The following SLC25A21 variants were observed in gnomAD, a reference collection of about 807,000 sequenced individuals.
SLC25A21 encodes solute carrier family 25 member 21.
In SLC25A21, 47 loss-of-function variants were observed where a neutral mutation model predicts 43.8. That is an observed-to-expected ratio of 1.07 (90% confidence interval 0.85 to 1.37). The LOEUF (loss-of-function observed/expected upper bound fraction) is 1.37. Among genes scored for constraint, SLC25A21 ranks in the 40% most tolerant of loss-of-function variants. The probability of loss-of-function intolerance (pLI) is 0.00; values close to 1 mark genes in which losing one functional copy is unlikely to be tolerated. For missense variants in SLC25A21, 352 were observed against 350.2 expected (o/e 1.00, Z -0.04); for synonymous variants, 131 against 121.3 (o/e 1.08, Z -0.52).
intron 1 of SLC25A21, among the ~76,000 whole-genome samples, chr14:37,033,260 C>A (rs1459158871): frequency 6.6e-6 from 1 of 152,174 alleles, no homozygotes; most frequent in Admixed American, 6.5e-5. Flanking sequence ...ATAATGTCCT[C>A]AAGGTTAATC....
chr14:37,154,900 C>T (rs1291669049), intron 1 of SLC25A21, among the ~76,000 whole-genome samples: 2 of 152,104 alleles, frequency 1.3e-5, no homozygotes, highest in African/African-American at 4.8e-5. Context: ...CCTCAGCCTC[C>T]CAAAGTGCTG....
chr14:37,040,543 A>C (rs1343821911), intron 1 of SLC25A21, among the ~76,000 whole-genome samples: 1 of 151,976 alleles, frequency 6.6e-6, no homozygotes, highest in Non-Finnish European at 1.5e-5. Context: ...AGGACCTTTC[A>C]TGCTGGGTAA....
intron 5 of SLC25A21, among the ~76,000 whole-genome samples, chr14:36,728,730 T>C (rs573069502): frequency 2.0e-5 from 3 of 152,360 alleles, no homozygotes; most frequent in South Asian, 2.1e-4. Context: ...GTCCATTTCA[T>C]TGGACAAATG....
Position 36,684,734 on chromosome 14 carries a change from G to C in SLC25A21, c.785+10C>G. 6.3e-7 allele frequency: 1 copy of C among 1,594,816 alleles called. No homozygotes were observed. Among genetic ancestry groups the C allele is most frequent in the Non-Finnish European group, 8.5e-7 (1 of 1,170,392 alleles). On this transcript the variant is annotated intron_variant, in intron 8 of 9. Transcript: ENST00000331299. Reference sequence around the variant, plus strand: ...CATACATTTATTAAAATAAGAATGTGTTATGTTACCCTTCTTCCTGATAGA... The same window carrying C: ...CATACATTTATTAAAATAAGAATGTCTTATGTTACCCTTCTTCCTGATAGA...
chr14:37,038,453 T>C (rs1961375924), intron 1 of SLC25A21, among the ~76,000 whole-genome samples: 1 of 152,208 alleles, frequency 6.6e-6, no homozygotes, highest in Non-Finnish European at 1.5e-5. Context: ...CTCCTCCAAA[T>C]AAAAACAGCA....
chr14:36,998,561 A>G (rs1960421692), intron 1 of SLC25A21, among the ~76,000 whole-genome samples: 1 of 152,200 alleles, frequency 6.6e-6, no homozygotes, highest in Non-Finnish European at 1.5e-5. Flanking sequence ...AAGCCTGGAT[A>G]AGTGTATTTC....
intron 3 of SLC25A21, among the ~76,000 whole-genome samples, chr14:36,765,975 A>G (rs1454976080): frequency 2.0e-5 from 3 of 151,628 alleles, no homozygotes; most frequent in African/African-American, 4.9e-5. Flanking sequence ...CATCTTTCCA[A>G]CTTCTAGGAA....
chr14:37,016,019 T>C (rs1380822263), intron 1 of SLC25A21, among the ~76,000 whole-genome samples: 2 of 151,704 alleles, frequency 1.3e-5, no homozygotes, highest in East Asian at 1.9e-4. Flanking sequence ...GGTAGTTTCT[T>C]TTGCTGTGCA....
intron 5 of SLC25A21, 64 bp from the exon 6 acceptor site, chr14:36,725,741 T>C (rs745597141): frequency 6.9e-6 from 7 of 1,012,916 alleles, no homozygotes; most frequent in Non-Finnish European, 9.9e-6. Context: ...TTAAACATCC[T>C]ATTCATTACA....
At chr14:36,688,480 G>C (rs1594488837) in intron 7 of SLC25A21, among the ~76,000 whole-genome samples, 1 of 152,234 alleles carries the variant, frequency 6.6e-6, no homozygotes, top group East Asian at 1.9e-4. Context: ...AAAGCAAGTT[G>C]AGTGGGGCTG....
chr14:36,985,389 A>AAAT (rs145364520), intron 1 of SLC25A21, among the ~76,000 whole-genome samples: 6,382 of 151,608 alleles, frequency 0.042, 155 homozygotes, highest in Admixed American at 0.051. Context: ...CCATGGTTAA[A>AAAT]AATAATAATA....
rs1298624313 is a variant in SLC25A21 at position 36,761,090 on chromosome 14, T to G, written c.204-26517A>C. 2.0e-5 allele frequency among the ~76,000 whole-genome samples: 3 copies of G among 152,328 alleles called. No individual in the cohort carries two copies. The South Asian group carries it at 6.2e-4, about 32-fold the overall frequency. On this transcript the variant is annotated intron_variant, in intron 3 of 9. Coordinates refer to ENST00000331299, the MANE Select transcript of SLC25A21 (RefSeq NM_030631.4). ...CAGCCACAGAGATATTCCTCTTCCC[T>G]TTCATCTGGGGCCTCTAAGGAGCTC...
chr14:37,056,326 T>C (rs1242368832), intron 1 of SLC25A21, among the ~76,000 whole-genome samples: 1 of 151,806 alleles, frequency 6.6e-6, no homozygotes, highest in Non-Finnish European at 1.5e-5. Context: ...CCGTCTCTAC[T>C]AAAAATACAA....
intron 1 of SLC25A21, among the ~76,000 whole-genome samples, chr14:36,982,534 T>C (rs1960052068): frequency 6.6e-6 from 1 of 152,118 alleles, no homozygotes; most frequent in African/African-American, 2.4e-5. Context: ...CTGATTTTTT[T>C]TTAATTGGCT....
chr14:36,868,959 C>T (rs913244245), intron 2 of SLC25A21, among the ~76,000 whole-genome samples: 1 of 152,180 alleles, frequency 6.6e-6, no homozygotes, highest in Non-Finnish European at 1.5e-5. Context: ...GAGAGACCTA[C>T]CATGATTCTA....
intron 3 of SLC25A21, among the ~76,000 whole-genome samples, chr14:36,739,787 G>C (rs929322324): frequency 6.6e-6 from 1 of 152,092 alleles, no homozygotes; most frequent in East Asian, 1.9e-4. Context: ...TTGCTCCTCA[G>C]AGTATAAGTG....
chr14:37,114,769 CAG>C (rs1484961476), intron 1 of SLC25A21, among the ~76,000 whole-genome samples: 2 of 150,738 alleles, frequency 1.3e-5, no homozygotes, highest in Non-Finnish European at 2.9e-5. Flanking sequence ...ACCAGTGGTG[CAG>C]AGAGTCATTT....
chr14:37,125,484 A>G (rs1963281999), intron 1 of SLC25A21, among the ~76,000 whole-genome samples: 1 of 152,186 alleles, frequency 6.6e-6, no homozygotes, highest in South Asian at 2.1e-4. Flanking sequence ...CTAATGCTAG[A>G]TTTTATTATT....
chr14:37,013,252 T>TA (rs1417207215), intron 1 of SLC25A21, among the ~76,000 whole-genome samples: 36 of 152,158 alleles, frequency 2.4e-4, no homozygotes. Flanking sequence ...GCTTTACAGA[T>TA]AAAGATCAAC....
Sources: allele counts gnomAD v4.1 joint callset (sites outside exome capture counted in the v4.1 genomes callset), GRCh38; gene constraint gnomAD v4.1.1; transcripts MANE v1.5; gene names NCBI Gene and HGNC (gene_info 2026-07-23, HGNC 2026-07-21).